RANBP17: variants seen among roughly 807,000 people sequenced by gnomAD.
RANBP17 encodes RAN binding protein 17.
Under a neutral mutation model 141.2 loss-of-function variants are expected in RANBP17, and 158 were observed. That is an observed-to-expected ratio of 1.12 (90% CI 0.98 to 1.28). The LOEUF is 1.28. Ranked by LOEUF, RANBP17 falls within the 50% of genes most tolerant of loss-of-function variation. The pLI is 0.00. For missense variants in RANBP17, 1,438 were observed against 1,290.7 expected (o/e 1.11, Z -1.75); for synonymous variants, 430 against 450.0 (o/e 0.96, Z 0.56).
chr5:171,249,338 C>T (rs566088793), intron 24 of RANBP17, among the ~76,000 whole-genome samples: 1 of 152,156 alleles, frequency 6.6e-6, no homozygotes, highest in South Asian at 2.1e-4. Context: ...ACTGGATGTA[C>T]AGATATCAAC....
At chr5:171,147,704 G>T (rs143375563) in intron 14 of RANBP17, among the ~76,000 whole-genome samples, 2 of 152,046 alleles carry the variant, frequency 1.3e-5, no homozygotes, top group Admixed American at 6.5e-5. Flanking sequence ...ATGAGCCACC[G>T]CACCTGGCCA....
chr5:171,250,408 GAAAA>G (rs1765480606), intron 24 of RANBP17, among the ~76,000 whole-genome samples: 1 of 151,862 alleles, frequency 6.6e-6, no homozygotes, highest in Non-Finnish European at 1.5e-5. Context: ...ATTAGTAAGA[GAAAA>G]AGATGGGAAA....
At chr5:170,969,569 C>A (rs1776840610) in intron 14 of RANBP17, among the ~76,000 whole-genome samples, 1 of 151,862 alleles carries the variant, frequency 6.6e-6, no homozygotes, top group African/African-American at 2.4e-5. Context: ...AAGGGTTACT[C>A]TCAAAATATT....
intron 14 of RANBP17, among the ~76,000 whole-genome samples, chr5:171,077,134 TAGAG>T (rs1784978603): frequency 6.6e-6 from 1 of 152,114 alleles, no homozygotes; most frequent in African/African-American, 2.4e-5. Context: ...GGTCAGAAGA[TAGAG>T]ACCATCCTGG....
chr5:170,911,284 T>C (rs916039637), intron 7 of RANBP17, 150 bp downstream of exon 7: 2 of 649,722 alleles, frequency 3.1e-6, no homozygotes, highest in Non-Finnish European at 5.3e-6. Flanking sequence ...ATAGCTAATA[T>C]TGAAATGTTT....
At chr5:170,952,564 GTTCTTT>G (rs1369617190) in intron 12 of RANBP17, among the ~76,000 whole-genome samples, 1 of 151,880 alleles carries the variant, frequency 6.6e-6, no homozygotes, top group Non-Finnish European at 1.5e-5. Context: ...GAAAGAATTT[GTTCTTT>G]TTCTAACTTT....
At chr5:170,966,192 A>G (rs1351345789) in intron 13 of RANBP17, among the ~76,000 whole-genome samples, 2 of 152,064 alleles carry the variant, frequency 1.3e-5, no homozygotes, top group African/African-American at 4.8e-5. Flanking sequence ...AACTCATTTT[A>G]TGAGGCCAGC....
rs950363584 is a variant in RANBP17 at position 171,005,918 on chromosome 5, A to G, written c.1710+37541A>G. ...TACAAGAAAAAAAACAAACAACCCCATCAAAAAGTAGGCAAAGGATATGAA... is the reference window on the plus strand; with the variant it reads ...TACAAGAAAAAAAACAAACAACCCCGTCAAAAAGTAGGCAAAGGATATGAA... On this transcript the variant is annotated intron_variant, in intron 14 of 27. Transcript: ENST00000523189. Among the ~76,000 whole-genome samples, 9 of 152,056 alleles carry G rather than the reference A, an allele frequency of 5.9e-5. 1 individual carries two copies. The highest frequency in any genetic ancestry group is 5.2e-4 in the Admixed American group (8 of 15,278).
chr5:171,083,414 C>A (rs537255874), intron 14 of RANBP17, among the ~76,000 whole-genome samples: 19 of 152,216 alleles, frequency 1.2e-4, no homozygotes, highest in Middle Eastern at 6.8e-3. Flanking sequence ...TGCTGGCATC[C>A]TTATATTGGA....
At chr5:171,279,892 A>G (rs558862360) in intron 25 of RANBP17, among the ~76,000 whole-genome samples, 1 of 152,180 alleles carries the variant, frequency 6.6e-6, no homozygotes, top group Admixed American at 6.5e-5. Flanking sequence ...CACAGTTTTT[A>G]TAATACCACA....
intron 14 of RANBP17, among the ~76,000 whole-genome samples, chr5:171,123,481 C>T (rs1029932399): frequency 6.6e-6 from 1 of 152,234 alleles, no homozygotes; most frequent in Admixed American, 6.5e-5. Context: ...ACTGCTACTG[C>T]CACTGCTCAT....
At chr5:171,018,467 C>T (rs1466532052) in intron 14 of RANBP17, among the ~76,000 whole-genome samples, 1 of 152,048 alleles carries the variant, frequency 6.6e-6, no homozygotes, top group East Asian at 1.9e-4. Flanking sequence ...TGGAGAGGTC[C>T]TTACATCCCT....
chr5:171,229,779 A>C (rs565046250), intron 22 of RANBP17, among the ~76,000 whole-genome samples: 1 of 148,690 alleles, frequency 6.7e-6, no homozygotes, highest in East Asian at 2.0e-4. Flanking sequence ...AAAAAAAAAG[A>C]ATCCACCTGG....
chr5:170,986,819 G>A (rs909094547), intron 14 of RANBP17, among the ~76,000 whole-genome samples: 4 of 151,820 alleles, frequency 2.6e-5, no homozygotes, highest in Non-Finnish European at 5.9e-5. Context: ...ATGTCTTCCT[G>A]TATGGTATGT....
intron 14 of RANBP17, among the ~76,000 whole-genome samples, chr5:171,012,052 T>A: frequency 7.3e-6 from 1 of 137,456 alleles, no homozygotes. Context: ...AAACAAATTA[T>A]ATTATTTGTT....
intron 14 of RANBP17, chr5:171,143,199 T>C (rs1442104845): frequency 6.6e-6 from 1 of 152,200 alleles, no homozygotes; most frequent in Non-Finnish European, 1.5e-5. Flanking sequence ...AAGTTTTTGT[T>C]CCTAAAGGAT....
At chr5:170,998,923 G>T (rs1030633215) in intron 14 of RANBP17, among the ~76,000 whole-genome samples, 1 of 151,814 alleles carries the variant, frequency 6.6e-6, no homozygotes, top group African/African-American at 2.4e-5. Flanking sequence ...TTTTGCTTAC[G>T]TGTTATTTTA....
At chr5:171,180,192 C>T (rs1282069958) in intron 16 of RANBP17, among the ~76,000 whole-genome samples, 1 of 152,200 alleles carries the variant, frequency 6.6e-6, no homozygotes, top group Non-Finnish European at 1.5e-5. Context: ...AAATGTTTCC[C>T]TGTCCCTTCT....
chr5:171,262,228 C>G (rs560525337), intron 24 of RANBP17, among the ~76,000 whole-genome samples: 1 of 152,050 alleles, frequency 6.6e-6, no homozygotes, highest in African/African-American at 2.4e-5. Context: ...TTGTAGATGT[C>G]GAGTTACATA....
Sources: allele counts gnomAD v4.1 joint callset (sites outside exome capture counted in the v4.1 genomes callset), GRCh38; gene constraint gnomAD v4.1.1; transcripts MANE v1.5; gene names NCBI Gene and HGNC (gene_info 2026-07-23, HGNC 2026-07-21).